CRACD: variants seen among roughly 807,000 people sequenced by gnomAD.
The protein encoded by CRACD is capping protein inhibiting regulator of actin dynamics.
In CRACD, 56 loss-of-function variants were observed where a neutral mutation model predicts 106.8. The observed-to-expected ratio is 0.52, with a 90% confidence interval of 0.42 to 0.66. CRACD has a LOEUF of 0.66. Among genes scored for constraint, CRACD ranks in the 30% least tolerant of loss-of-function variants. The pLI is 0.00. For missense variants in CRACD, 1,730 were observed against 1,623.2 expected (o/e 1.07, Z -1.13); for synonymous variants, 754 against 670.8 (o/e 1.12, Z -1.92).
At chr4:56,291,056 T>G in intron 3 of CRACD, among the ~76,000 whole-genome samples, 1 of 152,234 alleles carries the variant, frequency 6.6e-6, no homozygotes, top group East Asian at 1.9e-4. Context: ...GTTTAAAATC[T>G]GTGGGATTTT....
intron 9 of CRACD, among the ~76,000 whole-genome samples, chr4:56,323,792 T>C (rs987912524): frequency 5.3e-5 from 8 of 152,256 alleles, no homozygotes; most frequent in African/African-American, 1.7e-4. Flanking sequence ...TAATCCACGA[T>C]ACGCTTACAA....
intron 3 of CRACD, among the ~76,000 whole-genome samples, chr4:56,296,906 C>CT (rs5858371): frequency 0.081 from 11,374 of 141,218 alleles, 510 homozygotes; most frequent in East Asian, 0.16. Flanking sequence ...TTGTGCATTT[C>CT]TTTTTTTTTG....
intron 1 of CRACD, among the ~76,000 whole-genome samples, chr4:56,172,020 C>CTTTTTTTTTTT (rs35574683): frequency 0.27 from 28,186 of 103,414 alleles, 5,273 homozygotes; most frequent in Non-Finnish European, 0.3. Flanking sequence ...GAGGGTTTCT[C>CTTTTTTTTTTT]TTTTTTTTTT....
chr4:56,255,292 C>T (rs1172948884), intron 2 of CRACD, among the ~76,000 whole-genome samples: 1 of 152,022 alleles, frequency 6.6e-6, no homozygotes, highest in Non-Finnish European at 1.5e-5. Context: ...CCAGTGGTAG[C>T]CACAAAAGTT....
intron 2 of CRACD, among the ~76,000 whole-genome samples, chr4:56,248,552 T>C (rs566937676): frequency 1.1e-3 from 165 of 151,916 alleles, no homozygotes; most frequent in African/African-American, 3.8e-3. Flanking sequence ...TTGTGAATTA[T>C]CTCTATATTA....
At chr4:56,220,172 C>G (rs1738952336) in intron 2 of CRACD, among the ~76,000 whole-genome samples, 1 of 152,192 alleles carries the variant, frequency 6.6e-6, no homozygotes. Flanking sequence ...ATTCTTATTA[C>G]TGATCAAGTG....
chr4:56,248,329 ACT>A (rs1436372057), intron 2 of CRACD, among the ~76,000 whole-genome samples: 1 of 152,040 alleles, frequency 6.6e-6, no homozygotes, highest in Non-Finnish European at 1.5e-5. Context: ...TACCTGGAAG[ACT>A]CTGTGTTTTA....
chr4:56,067,668 C>T (rs1217488572), intron 1 of CRACD, among the ~76,000 whole-genome samples: 3 of 152,118 alleles, frequency 2.0e-5, no homozygotes, highest in Non-Finnish European at 2.9e-5. Flanking sequence ...CTCCACCTCC[C>T]GGGTTCAAGC....
intron 1 of CRACD, among the ~76,000 whole-genome samples, chr4:56,077,393 C>T (rs2109804655): frequency 6.6e-6 from 1 of 152,286 alleles, no homozygotes; most frequent in South Asian, 2.1e-4. Flanking sequence ...GATTACAATT[C>T]AAGATGAGAT....
intron 1 of CRACD, among the ~76,000 whole-genome samples, chr4:56,113,639 G>A (rs568293406): frequency 6.6e-6 from 1 of 152,208 alleles, no homozygotes; most frequent in South Asian, 2.1e-4. Context: ...CATCTTGGTG[G>A]CCTGATAGCA....
At chr4:56,072,177 G>A (rs551904049) in intron 1 of CRACD, among the ~76,000 whole-genome samples, 6 of 150,706 alleles carry the variant, frequency 4.0e-5, no homozygotes, top group African/African-American at 1.5e-4. Flanking sequence ...TTTGGGCCCA[G>A]ATAAAGTGTG....
rs116072295 is a variant in CRACD at position 56,130,783 on chromosome 4, A to G, written c.-335-48501A>G. 3.4e-3 allele frequency among the ~76,000 whole-genome samples: 517 copies of G among 151,838 alleles called. 1 individual carries two copies. Among genetic ancestry groups the G allele is most frequent in the African/African-American group, 0.011 (452 of 41,392 alleles). On this transcript the variant is annotated intron_variant, in intron 1 of 10. Coordinates refer to ENST00000682029, the MANE Select transcript of CRACD (RefSeq NM_001393381.1). ...CCAACCTTATTTACATTTTCCTTCT[A>G]TTCCACCCCATGAAGCTGCCTTTTC...
intron 4 of CRACD, among the ~76,000 whole-genome samples, chr4:56,301,735 G>C (rs935586491): frequency 1.3e-5 from 2 of 151,488 alleles, no homozygotes; most frequent in Non-Finnish European, 2.9e-5. Flanking sequence ...ATCTCTCCAC[G>C]GAGTACAGAA....
chr4:56,146,119 AC>A (rs1169463048), intron 1 of CRACD, among the ~76,000 whole-genome samples: 2 of 152,148 alleles, frequency 1.3e-5, no homozygotes, highest in Non-Finnish European at 2.9e-5. Flanking sequence ...TAATTTCTGA[AC>A]AAGCTGTCAT....
intron 3 of CRACD, among the ~76,000 whole-genome samples, chr4:56,290,753 A>G (rs1743659459): frequency 6.6e-6 from 1 of 152,228 alleles, no homozygotes. Context: ...GTACATGTAC[A>G]TAGGAGAGCT....
At chr4:56,135,741 T>TA (rs1257214355) in intron 1 of CRACD, among the ~76,000 whole-genome samples, 2 of 152,148 alleles carry the variant, frequency 1.3e-5, no homozygotes, top group Non-Finnish European at 2.9e-5. Flanking sequence ...TTCCTTGAGG[T>TA]AAAATTGACA....
chr4:56,240,761 G>C (rs1000941016), intron 2 of CRACD, among the ~76,000 whole-genome samples: 14 of 152,190 alleles, frequency 9.2e-5, no homozygotes, highest in Non-Finnish European at 1.5e-4. Flanking sequence ...TAGGATTACA[G>C]GCATAAGCCG....
intron 1 of CRACD, among the ~76,000 whole-genome samples, chr4:56,127,827 T>G (rs1734707582): frequency 6.6e-6 from 1 of 152,216 alleles, no homozygotes; most frequent in Admixed American, 6.5e-5. Context: ...CACACCATTG[T>G]GACCTTCAAT....
intron 5 of CRACD, among the ~76,000 whole-genome samples, chr4:56,308,223 G>A (rs142635861): frequency 2.3e-3 from 349 of 152,240 alleles, no homozygotes; most frequent in African/African-American, 8.0e-3. Context: ...AAAGAAATGC[G>A]TAGGGGCTCC....
Sources: gnomAD v4.1 joint callset for allele counts (sites outside exome capture counted in the v4.1 genomes callset) on GRCh38, gnomAD v4.1.1 for gene constraint, MANE v1.5 for transcripts, NCBI Gene and HGNC (gene_info 2026-07-23, HGNC 2026-07-21) for gene names.